The following UGGT2 variants were observed in gnomAD, a reference collection of about 807,000 sequenced individuals.
UGGT2 encodes the protein UDP-glucose glycoprotein glucosyltransferase 2, also known as UDP-glucose:glycoprotein glucosyltransferase 2.
UGGT2 carries 180 observed loss-of-function variants against 192.1 expected under a neutral mutation model. The ratio of observed to expected loss-of-function variants is 0.94; its 90% CI spans 0.83 to 1.06. UGGT2 has a LOEUF of 1.06. Among genes scored for constraint, UGGT2 ranks in the 50% least tolerant of loss-of-function variants. The probability of loss-of-function intolerance (pLI) is 0.00; values close to 1 mark genes in which losing one functional copy is unlikely to be tolerated. For synonymous variants in UGGT2, 580 were observed against 591.0 expected (o/e 0.98, Z 0.27); for missense variants, 1,849 against 1,795.7 (o/e 1.03, Z -0.54).
intron 29 of UGGT2, among the ~76,000 whole-genome samples, chr13:95,873,357 G>C (rs1192251372): frequency 6.6e-6 from 1 of 152,208 alleles, no homozygotes; most frequent in African/African-American, 2.4e-5. Context: ...ACTGGAATGA[G>C]TTTTGGGAGG....
chr13:95,906,362 T>C lies in UGGT2; in HGVS notation c.2296-3302A>G, dbSNP rs1438939850. 2.0e-5 allele frequency among the ~76,000 whole-genome samples: 3 copies of C among 152,272 alleles called. No homozygotes were observed. In the East Asian group the frequency reaches 5.8e-4, roughly 29 times the overall value. On this transcript the variant is annotated intron_variant, in intron 20 of 38. Transcript: ENST00000376747. Reference sequence around the variant, plus strand: ...TAATTTATATGTGGCTATGTATGTATTTTCTGTGTAAACAACTTGGAATGG... The same window carrying C: ...TAATTTATATGTGGCTATGTATGTACTTTCTGTGTAAACAACTTGGAATGG...
Position 95,867,428 on chromosome 13 carries a change from AAGT to A in UGGT2, c.3474-8_3474-6del. The A allele has an allele frequency of 6.3e-7, 1 of 1,599,934 alleles. No individual in the cohort carries two copies. Among genetic ancestry groups the A allele is most frequent in the Non-Finnish European group, 8.5e-7 (1 of 1,174,718 alleles). On this transcript the variant is annotated splice_polypyrimidine_tract_variant and splice_region_variant and intron_variant, in intron 29 of 38. Transcript: ENST00000376747. Reference sequence around the variant, plus strand: ...TGAGAGTCAGTTCCTTCATGCCTAAAAGTAGAAAAATGTGTCCATAATTAATTT... The same window carrying A: ...TGAGAGTCAGTTCCTTCATGCCTAAAAGAAAAATGTGTCCATAATTAATTT...
intron 36 of UGGT2, among the ~76,000 whole-genome samples, chr13:95,851,217 T>C (rs1007851570): frequency 2.0e-5 from 3 of 152,142 alleles, no homozygotes; most frequent in African/African-American, 4.8e-5. Context: ...ATGGAGGGAA[T>C]GGTGGAAGAG....
intron 29 of UGGT2, among the ~76,000 whole-genome samples, chr13:95,872,022 T>G (rs999270929): frequency 8.5e-5 from 13 of 152,242 alleles, no homozygotes; most frequent in African/African-American, 2.9e-4. Flanking sequence ...AAACTAAAAT[T>G]GATTACAAGT....
chr13:96,033,644 T>C (rs2052907783), intron 1 of UGGT2, among the ~76,000 whole-genome samples: 1 of 152,190 alleles, frequency 6.6e-6, no homozygotes, highest in African/African-American at 2.4e-5. Flanking sequence ...TGGCCTCTTC[T>C]CTGCTCCCAA....
Position 95,879,189 on chromosome 13 carries a change from G to A in UGGT2, c.3229-1333C>T, listed in dbSNP as rs188231547. Among the ~76,000 whole-genome samples, 81 of 152,208 alleles carry A rather than the reference G, an allele frequency of 5.3e-4. 2 individuals are homozygous for A. The highest frequency in any genetic ancestry group is 4.8e-3 in the Admixed American group (73 of 15,294). ...TTATTTTATTATGAATTAGATACTA[G>A]GGAAGAGTCTAAATACACTTACCCA... On this transcript the variant is annotated intron_variant, in intron 27 of 38. Transcript: ENST00000376747.
At chr13:95,989,243 T>G (rs2051385112) in intron 8 of UGGT2, among the ~76,000 whole-genome samples, 1 of 152,116 alleles carries the variant, frequency 6.6e-6, no homozygotes, top group Non-Finnish European at 1.5e-5. Context: ...GTAATGTCAT[T>G]ATTTACATCA....
chr13:95,970,201 T>C lies in UGGT2; in HGVS notation c.1246A>G (p.Asn416Asp). The C allele has an allele frequency of 6.2e-7, 1 of 1,613,308 alleles. No individual in the cohort carries two copies. Among genetic ancestry groups the C allele is most frequent in the Non-Finnish European group, 8.5e-7 (1 of 1,179,390 alleles). Residue 416 changes from asparagine to aspartate, a missense_variant, in exon 12 of 39, where the codon AAT becomes GAT. Coordinates refer to ENST00000376747, the MANE Select transcript of UGGT2 (RefSeq NM_020121.4). Reference sequence around the variant, plus strand: ...AAAAATTTGCTCATATCTTCCCCATTGATCCCAAGATTGCGAAGGCCATTC... The same window carrying C: ...AAAAATTTGCTCATATCTTCCCCATCGATCCCAAGATTGCGAAGGCCATTC... ...MMNGLRNLGI[N>D]GEDMSKFLKL...
intron 12 of UGGT2, among the ~76,000 whole-genome samples, chr13:95,953,029 GATCT>G (rs1240180373): frequency 2.6e-5 from 4 of 152,182 alleles, no homozygotes; most frequent in East Asian, 1.9e-4. Flanking sequence ...AAATTTTAAA[GATCT>G]ATTATGATTA....
At chr13:95,883,958 G>C (rs757889357) in intron 27 of UGGT2, among the ~76,000 whole-genome samples, 2 of 150,846 alleles carry the variant, frequency 1.3e-5, no homozygotes, top group Non-Finnish European at 1.5e-5. Flanking sequence ...CATACCGGGG[G>C]TGATGAGAAG....
At chr13:96,027,585 A>C (rs1257152860) in intron 2 of UGGT2, among the ~76,000 whole-genome samples, 1 of 152,240 alleles carries the variant, frequency 6.6e-6, no homozygotes. Context: ...CAGCCTCCAC[A>C]GACAGCTACT....
intron 12 of UGGT2, among the ~76,000 whole-genome samples, chr13:95,950,771 A>G (rs1381801017): frequency 6.6e-6 from 1 of 152,018 alleles, no homozygotes; most frequent in Admixed American, 6.5e-5. Flanking sequence ...TATAATATTT[A>G]TAATTAAGAA....
chr13:95,960,915 G>A (rs1258620454), intron 12 of UGGT2, among the ~76,000 whole-genome samples: 3 of 152,114 alleles, frequency 2.0e-5, no homozygotes, highest in Non-Finnish European at 4.4e-5. Context: ...CCTGCCAGTT[G>A]AGGATACTAT....
At chr13:95,832,745 TTATC>T (rs1391486519) in intron 38 of UGGT2, 178 bp downstream of exon 38, 1 of 826,276 alleles carries the variant, frequency 1.2e-6, no homozygotes, top group Non-Finnish European at 2.0e-6. Context: ...GGGAAACAGA[TTATC>T]TATGTTTTAA....
intron 13 of UGGT2, 64 bp from the exon 14 acceptor site, chr13:95,948,145 A>G: frequency 7.3e-7 from 1 of 1,374,092 alleles, no homozygotes; most frequent in Non-Finnish European, 1.0e-6. Flanking sequence ...ATTCAAGTTT[A>G]GACTAATTTT....
intron 37 of UGGT2, among the ~76,000 whole-genome samples, chr13:95,836,548 T>TA (rs967271871): frequency 1.3e-5 from 2 of 152,314 alleles, no homozygotes; most frequent in Middle Eastern, 3.4e-3. Context: ...GTGTTTATGC[T>TA]AAACACTTGC....
At chr13:96,046,231 G>A (rs2053305666) in intron 1 of UGGT2, among the ~76,000 whole-genome samples, 2 of 152,040 alleles carry the variant, frequency 1.3e-5, no homozygotes, top group Non-Finnish European at 2.9e-5. Flanking sequence ...AACAAAGTGG[G>A]GAAAGGACAC....
At chr13:95,856,487 C>G in intron 33 of UGGT2, 147 bp from the exon 34 acceptor site, 1 of 680,814 alleles carries the variant, frequency 1.5e-6, no homozygotes, top group Non-Finnish European at 2.4e-6. Flanking sequence ...CTATAACATA[C>G]TTATTAATGA....
intron 3 of UGGT2, 133 bp from the exon 4 acceptor site, chr13:96,023,285 A>C (rs1324073297): frequency 1.5e-6 from 1 of 677,080 alleles, no homozygotes; most frequent in Non-Finnish European, 2.2e-6. Flanking sequence ...AAGTAAAAAA[A>C]CATCTATACG....
Sources: gnomAD v4.1 joint callset for allele counts (sites outside exome capture counted in the v4.1 genomes callset) on GRCh38, gnomAD v4.1.1 for gene constraint, MANE v1.5 for transcripts, NCBI Gene and HGNC (gene_info 2026-07-23, HGNC 2026-07-21) for gene names.